Variants in EYS observed in about 807,000 individuals in gnomAD.
The protein encoded by EYS is protein eyes shut homolog.
EYS carries 250 observed loss-of-function variants against 282.1 expected under a neutral mutation model. That is an observed-to-expected ratio of 0.89 (90% CI 0.80 to 0.98). The LOEUF is 0.98. Ranked by LOEUF, EYS falls within the 50% of genes least tolerant of loss-of-function variation. EYS has a pLI of 0.00. For missense variants in EYS, 4,016 were observed against 3,709.0 expected, an observed-to-expected ratio of 1.08 and a Z score of -2.15; for synonymous variants, 1,355 against 1,282.9, an observed-to-expected ratio of 1.06 and a Z score of -1.20.
At chr6:65,170,028 C>T (rs1765067286) in intron 12 of EYS, among the ~76,000 whole-genome samples, 1 of 151,420 alleles carries the variant, frequency 6.6e-6, no homozygotes, top group Non-Finnish European at 1.5e-5. Flanking sequence ...CTTACTTTCA[C>T]CTGCAAGAAC....
intron 28 of EYS, among the ~76,000 whole-genome samples, chr6:64,411,208 T>C (rs530390268): frequency 6.6e-6 from 1 of 152,048 alleles, no homozygotes; most frequent in Non-Finnish European, 1.5e-5. Flanking sequence ...CATTCACAAA[T>C]TATAAAATAA....
chr6:64,850,436 G>A (rs1439233465), intron 19 of EYS, among the ~76,000 whole-genome samples: 9 of 152,044 alleles, frequency 5.9e-5, no homozygotes, highest in Non-Finnish European at 1.3e-4. Flanking sequence ...TAATCTCAGA[G>A]GGTCCTCCCT....
At chr6:63,885,072 G>A (rs566840907) in intron 35 of EYS, among the ~76,000 whole-genome samples, 17 of 152,204 alleles carry the variant, frequency 1.1e-4, no homozygotes, top group African/African-American at 3.4e-4. Flanking sequence ...TGAAGTGCAG[G>A]TTCTAAATGG....
chr6:65,013,624 C>T (rs1771950446), intron 13 of EYS, among the ~76,000 whole-genome samples: 1 of 152,124 alleles, frequency 6.6e-6, no homozygotes, highest in Admixed American at 6.6e-5. Flanking sequence ...AACTGTATTC[C>T]CAGGACTTTG....
chr6:65,207,704 C>G (rs615573), intron 12 of EYS, among the ~76,000 whole-genome samples: 57,468 of 151,366 alleles, frequency 0.38, 11,816 homozygotes, highest in African/African-American at 0.54. Flanking sequence ...AAAGTGTAGA[C>G]AACCTAAAAG....
At chr6:64,235,896 A>T (rs373330562) in intron 30 of EYS, among the ~76,000 whole-genome samples, 2 of 152,212 alleles carry the variant, frequency 1.3e-5, no homozygotes, top group Admixed American at 6.5e-5. Flanking sequence ...CCAGAGGTAC[A>T]AGGAGGAACT....
chr6:64,370,980 T>G (rs576033959), intron 29 of EYS, among the ~76,000 whole-genome samples: 1 of 152,184 alleles, frequency 6.6e-6, no homozygotes, highest in Non-Finnish European at 1.5e-5. Flanking sequence ...CCTAAATTCA[T>G]TGATCCTTTA....
At chr6:63,838,710 T>G (rs1231794494) in intron 36 of EYS, among the ~76,000 whole-genome samples, 2 of 152,140 alleles carry the variant, frequency 1.3e-5, no homozygotes, top group Admixed American at 6.6e-5. Flanking sequence ...ATAAGGCCTT[T>G]TCTCCTAAAG....
At chr6:65,392,769 C>G (rs1766099901) in intron 7 of EYS, among the ~76,000 whole-genome samples, 1 of 151,078 alleles carries the variant, frequency 6.6e-6, no homozygotes, top group African/African-American at 2.4e-5. Flanking sequence ...TGTGGCGATT[C>G]CTCAGGGATC....
chr6:65,412,557 C>T (rs920958451), intron 5 of EYS, among the ~76,000 whole-genome samples: 2 of 151,848 alleles, frequency 1.3e-5, no homozygotes, highest in East Asian at 1.9e-4. Context: ...TTATTGTGGC[C>T]TTAATTTGCA....
intron 22 of EYS, among the ~76,000 whole-genome samples, chr6:64,787,805 G>A (rs1240441132): frequency 6.7e-6 from 1 of 149,582 alleles, no homozygotes; most frequent in Non-Finnish European, 1.5e-5. Context: ...CTTTTCTTTG[G>A]GGGAGAATTT....
intron 2 of EYS, among the ~76,000 whole-genome samples, chr6:65,602,214 A>T (rs1353527427): frequency 1.3e-5 from 2 of 152,026 alleles, no homozygotes; most frequent in African/African-American, 4.8e-5. Flanking sequence ...CTGATTCAAC[A>T]AGATGTACAC....
intron 5 of EYS, among the ~76,000 whole-genome samples, chr6:65,469,491 G>A (rs1450289685): frequency 6.6e-6 from 1 of 151,652 alleles, no homozygotes; most frequent in Non-Finnish European, 1.5e-5. Context: ...AAATATTTTA[G>A]GTCAGTGAAT....
chr6:64,835,842 C>T (rs1347930426), intron 19 of EYS, among the ~76,000 whole-genome samples: 2 of 151,480 alleles, frequency 1.3e-5, no homozygotes, highest in African/African-American at 4.8e-5. Context: ...AGGCTCGAGA[C>T]AATGAGTGCA....
chr6:64,420,637 C>A (rs190652653), intron 28 of EYS, among the ~76,000 whole-genome samples: 28 of 152,256 alleles, frequency 1.8e-4, no homozygotes, highest in Middle Eastern at 3.4e-3. Flanking sequence ...AGTTTTCAAA[C>A]TTTTATGCCC....
intron 12 of EYS, among the ~76,000 whole-genome samples, chr6:65,081,591 T>G (rs1289673581): frequency 6.6e-6 from 1 of 152,066 alleles, no homozygotes; most frequent in Non-Finnish European, 1.5e-5. Flanking sequence ...AAATATAAAT[T>G]CATTGATATG....
intron 22 of EYS, among the ~76,000 whole-genome samples, chr6:64,656,786 G>T (rs1768764746): frequency 6.6e-6 from 1 of 152,146 alleles, no homozygotes; most frequent in Admixed American, 6.6e-5. Flanking sequence ...TTTCTGTTCT[G>T]CTTTGCATGA....
At chr6:63,780,232 G>T (rs915943929) in intron 39 of EYS, among the ~76,000 whole-genome samples, 3 of 152,180 alleles carry the variant, frequency 2.0e-5, no homozygotes, top group African/African-American at 7.2e-5. Flanking sequence ...CTTTATAGCA[G>T]CATGTTTTAT....
intron 9 of EYS, among the ~76,000 whole-genome samples, chr6:65,350,748 A>G (rs1050519702): frequency 6.6e-6 from 1 of 151,668 alleles, no homozygotes; most frequent in African/African-American, 2.4e-5. Context: ...GAAACAGTGC[A>G]TGTCAGCTCT....
Sources: gnomAD v4.1 joint callset for allele counts (sites outside exome capture counted in the v4.1 genomes callset) on GRCh38, gnomAD v4.1.1 for gene constraint, MANE v1.5 for transcripts, NCBI Gene and HGNC (gene_info 2026-07-23, HGNC 2026-07-21) for gene names.